Variants in NEK7 observed in about 807,000 individuals in gnomAD.
The protein encoded by NEK7 is NIMA related kinase 7, also known as serine/threonine-protein kinase Nek7.
In NEK7, 18 loss-of-function variants were observed where a neutral mutation model predicts 44.6. The observed-to-expected ratio is 0.40, with a 90% CI of 0.28 to 0.60. NEK7 has a LOEUF of 0.60. Among genes scored for constraint, NEK7 ranks in the 20% least tolerant of loss-of-function variants. The pLI is 0.38. For synonymous variants in NEK7, 130 were observed against 121.1 expected, an observed-to-expected ratio of 1.07 and a Z score of -0.48; for missense variants, 256 against 366.5, an observed-to-expected ratio of 0.70 and a Z score of 2.46.
intron 1 of NEK7, among the ~76,000 whole-genome samples, chr1:198,225,714 G>A (rs1666199653): frequency 6.6e-6 from 1 of 152,054 alleles, no homozygotes; most frequent in Admixed American, 6.6e-5. Context: ...CTTATAAAGT[G>A]GTGTGTACTA....
chr1:198,181,092 T>C (rs1351573193), intron 1 of NEK7, among the ~76,000 whole-genome samples: 1 of 152,074 alleles, frequency 6.6e-6, no homozygotes, highest in African/African-American at 2.4e-5. Flanking sequence ...TAACTAATTA[T>C]AAATTGGACT....
chr1:198,274,677 T>A (rs900864697), intron 5 of NEK7, among the ~76,000 whole-genome samples: 1 of 151,798 alleles, frequency 6.6e-6, no homozygotes, highest in African/African-American at 2.4e-5. Flanking sequence ...AAATAAGCAG[T>A]GTATATTCTA....
At chr1:198,256,753 G>A (rs924712615) in intron 3 of NEK7, among the ~76,000 whole-genome samples, 8 of 152,180 alleles carry the variant, frequency 5.3e-5, no homozygotes, top group African/African-American at 1.9e-4. Flanking sequence ...TGTGATAGGA[G>A]CAGCCTTGAA....
chr1:198,218,828 A>G (rs1345423414), intron 1 of NEK7, among the ~76,000 whole-genome samples: 1 of 152,020 alleles, frequency 6.6e-6, no homozygotes, highest in East Asian at 1.9e-4. Flanking sequence ...ACTTATCATC[A>G]GGAAAATACA....
chr1:198,191,768 C>A (rs1320826299), intron 1 of NEK7, among the ~76,000 whole-genome samples: 4 of 151,886 alleles, frequency 2.6e-5, no homozygotes, highest in Non-Finnish European at 5.9e-5. Flanking sequence ...ATATTTAGTT[C>A]TTTAATCTGC....
At chr1:198,275,312 A>G (rs75238202) in intron 5 of NEK7, among the ~76,000 whole-genome samples, 3,627 of 151,454 alleles carry the variant, frequency 0.024, 152 homozygotes, top group African/African-American at 0.082. Context: ...ACTATAAAAA[A>G]GTTGCAATTC....
chr1:198,189,986 C>G (rs1044684637), intron 1 of NEK7, among the ~76,000 whole-genome samples: 2 of 151,986 alleles, frequency 1.3e-5, no homozygotes, highest in Admixed American at 1.3e-4. Flanking sequence ...GCCATATAGG[C>G]AAATGTTAAG....
At chr1:198,216,859 T>G (rs1665935829) in intron 1 of NEK7, among the ~76,000 whole-genome samples, 1 of 151,748 alleles carries the variant, frequency 6.6e-6, no homozygotes, top group African/African-American at 2.4e-5. Context: ...ATTATCAATT[T>G]CCTCGAAAAC....
chr1:198,207,315 A>C (rs1337281693), intron 1 of NEK7: 1 of 152,118 alleles, frequency 6.6e-6, no homozygotes, highest in Non-Finnish European at 1.5e-5. Context: ...TTTTACATTT[A>C]TCCTTAACTT....
chr1:198,179,397 A>G (rs745398202), intron 1 of NEK7, among the ~76,000 whole-genome samples: 1 of 151,936 alleles, frequency 6.6e-6, no homozygotes, highest in Non-Finnish European at 1.5e-5. Flanking sequence ...TGTTTGCTTT[A>G]TTTTTTTATC....
At chr1:198,204,404 G>A (rs1197153697) in intron 1 of NEK7, among the ~76,000 whole-genome samples, 1 of 152,114 alleles carries the variant, frequency 6.6e-6, no homozygotes. Context: ...TAATGGGTTA[G>A]ATCTGTATTT....
chr1:198,310,195 C>T (rs370708449), intron 9 of NEK7, among the ~76,000 whole-genome samples: 128 of 152,162 alleles, frequency 8.4e-4, no homozygotes, highest in African/African-American at 1.8e-3. Context: ...TGATGGCCAG[C>T]GATGGTGAGC....
intron 6 of NEK7, among the ~76,000 whole-genome samples, chr1:198,278,364 A>G (rs989014897): frequency 2.0e-5 from 3 of 151,580 alleles, no homozygotes; most frequent in Non-Finnish European, 2.9e-5. Flanking sequence ...CAAATAAACA[A>G]TGTATATCAT....
chr1:198,248,550 T>G (rs1666898355), intron 2 of NEK7, among the ~76,000 whole-genome samples: 1 of 152,186 alleles, frequency 6.6e-6, no homozygotes, highest in Non-Finnish European at 1.5e-5. Context: ...TCTATTTCCC[T>G]AGCAGCCAGC....
At chr1:198,256,675 A>T in intron 3 of NEK7, 1 of 649,646 alleles carries the variant, frequency 1.5e-6, no homozygotes, top group Non-Finnish European at 2.4e-6. Flanking sequence ...AGATAAACAT[A>T]ATGAGACTCA....
intron 1 of NEK7, among the ~76,000 whole-genome samples, chr1:198,210,256 G>A (rs1250579297): frequency 1.3e-5 from 2 of 152,124 alleles, no homozygotes; most frequent in Non-Finnish European, 2.9e-5. Flanking sequence ...ACCATGCCCA[G>A]CTGTTTTGTG....
intron 1 of NEK7, among the ~76,000 whole-genome samples, chr1:198,182,665 TTTG>T (rs1199361810): frequency 6.6e-6 from 1 of 152,198 alleles, no homozygotes; most frequent in Admixed American, 6.6e-5. Context: ...TTTCAAACTC[TTTG>T]TTCTTTGTTT....
intron 1 of NEK7, among the ~76,000 whole-genome samples, chr1:198,219,073 AAAAG>A (rs1666010062): frequency 6.6e-6 from 1 of 151,942 alleles, no homozygotes; most frequent in Non-Finnish European, 1.5e-5. Context: ...TACCCAAAGA[AAAAG>A]AAGTCACTGT....
At chr1:198,290,731 T>A (rs1416851755) in intron 7 of NEK7, among the ~76,000 whole-genome samples, 1 of 152,184 alleles carries the variant, frequency 6.6e-6, no homozygotes, top group Non-Finnish European at 1.5e-5. Flanking sequence ...GTAGCATCCT[T>A]AGCTTTACAT....
Sources: gnomAD v4.1 joint callset for allele counts (sites outside exome capture counted in the v4.1 genomes callset) on GRCh38, gnomAD v4.1.1 for gene constraint, MANE v1.5 for transcripts, NCBI Gene and HGNC (gene_info 2026-07-23, HGNC 2026-07-21) for gene names.